Variants in SATB2 observed in about 807,000 individuals in gnomAD.
SATB2 encodes the protein SATB homeobox 2.
Under a neutral mutation model 73.4 loss-of-function variants are expected in SATB2, and 1 was observed. That is an observed-to-expected ratio of 0.01 (90% CI 0.00 to 0.06). The LOEUF is 0.06. SATB2 is among the 10% of genes least tolerant of loss of function. The pLI, the probability that SATB2 is intolerant of heterozygous loss-of-function variation, is 1.00. For missense variants in SATB2, 459 were observed against 945.8 expected (o/e 0.49, Z 6.75); for synonymous variants, 397 against 367.0 (o/e 1.08, Z -0.93).
At chr2:199,331,805 A>G (rs976951377) in intron 7 of SATB2, among the ~76,000 whole-genome samples, 2 of 152,212 alleles carry the variant, frequency 1.3e-5, no homozygotes, top group East Asian at 3.8e-4. Context: ...ACTTTCACAT[A>G]CCACAAATCA....
intron 10 of SATB2, among the ~76,000 whole-genome samples, chr2:199,299,666 G>A (rs988208614): frequency 1.3e-5 from 2 of 151,904 alleles, no homozygotes; most frequent in African/African-American, 4.8e-5. Context: ...TGTGGTGCCT[G>A]GAATAACACT....
intron 2 of SATB2, among the ~76,000 whole-genome samples, chr2:199,453,869 G>A (rs1001457609): frequency 5.3e-5 from 8 of 151,488 alleles, no homozygotes; most frequent in Non-Finnish European, 1.0e-4. Context: ...GTTTACTATC[G>A]TGTATTATAA....
At chr2:199,397,667 T>G (rs1690341062) in intron 3 of SATB2, 2 of 262,486 alleles carry the variant, frequency 7.6e-6, no homozygotes, top group Non-Finnish European at 1.6e-5. Flanking sequence ...GGTGGGCATT[T>G]CACTTGAGGT....
chr2:199,318,283 G>A (rs969376744), intron 9 of SATB2, among the ~76,000 whole-genome samples: 1 of 151,994 alleles, frequency 6.6e-6, no homozygotes, highest in East Asian at 1.9e-4. Context: ...CCCAGTAAAG[G>A]CATCCTCAAA....
intron 2 of SATB2, among the ~76,000 whole-genome samples, chr2:199,438,792 T>C (rs1419126082): frequency 6.6e-6 from 1 of 152,246 alleles, no homozygotes; most frequent in Non-Finnish European, 1.5e-5. Context: ...TACACACCTT[T>C]ATCTTCTCAC....
At chr2:199,311,074 G>A (rs1475959534) in intron 9 of SATB2, among the ~76,000 whole-genome samples, 1 of 152,194 alleles carries the variant, frequency 6.6e-6, no homozygotes, top group Non-Finnish European at 1.5e-5. Flanking sequence ...GACATGCAAG[G>A]TCTTGACCTT....
chr2:199,333,471 G>A (rs939780504), intron 7 of SATB2, among the ~76,000 whole-genome samples: 1 of 152,082 alleles, frequency 6.6e-6, no homozygotes, highest in African/African-American at 2.4e-5. Context: ...TGGATATAAA[G>A]TTACGATGAA....
rs1222657203 is a variant in SATB2, at chr2:199,463,757, A to G, written c.-141+1079T>C. Among the ~76,000 whole-genome samples the G allele has an allele frequency of 6.6e-6, 1 of 152,184 alleles. No individual in the cohort carries two copies. The highest frequency in any genetic ancestry group is 1.5e-5 in the Non-Finnish European group (1 of 68,020). On this transcript the variant is annotated intron_variant, in intron 1 of 11. Coordinates refer to the SATB2 transcript ENST00000260926. The surrounding 1 kb of genome is among the most constrained non-coding windows in gnomAD (Gnocchi z 6.4). ...TGGCGCGTGCAAAATACGAACGCCC[A>G]CAGTTTGTCCCAACCCCTTGAAATG...
chr2:199,411,207 T>C (rs1447800776), intron 3 of SATB2, among the ~76,000 whole-genome samples: 1 of 151,438 alleles, frequency 6.6e-6, no homozygotes, highest in Non-Finnish European at 1.5e-5. Flanking sequence ...CAAGTCACTA[T>C]GTCCAGAAAA....
chr2:199,308,462 G>C lies in SATB2; in HGVS notation c.1740+298C>G, dbSNP rs1474984341. ...AGATTTAATTCTCCGTGAGCGCTCT[G>C]GCTTTACAATCCCACAAGTAAAATG... On this transcript the variant is annotated intron_variant, in intron 10 of 10. Transcript: ENST00000417098. This position sits in a 1 kb window ranked among gnomAD's most constrained non-coding sequence, Gnocchi z 4.6. Among the ~76,000 whole-genome samples the C allele has an allele frequency of 6.6e-6, 1 of 152,076 alleles. No individual in the cohort carries two copies. The highest frequency in any genetic ancestry group is 1.5e-5 in the Non-Finnish European group (1 of 68,026).
intron 4 of SATB2, among the ~76,000 whole-genome samples, chr2:199,380,690 T>C (rs1357609220): frequency 6.6e-6 from 1 of 152,150 alleles, no homozygotes; most frequent in Non-Finnish European, 1.5e-5. Context: ...GAGTTTGTCA[T>C]CCCACTCATC....
chr2:199,402,631 G>A (rs1317655385), intron 3 of SATB2, among the ~76,000 whole-genome samples: 1 of 152,166 alleles, frequency 6.6e-6, no homozygotes, highest in African/African-American at 2.4e-5. Flanking sequence ...TTGCATTGAA[G>A]GGAACATGAA....
At chr2:199,330,732 G>C (rs936581581) in intron 7 of SATB2, among the ~76,000 whole-genome samples, 1 of 152,024 alleles carries the variant, frequency 6.6e-6, no homozygotes, top group African/African-American at 2.4e-5. Context: ...AATTTGTTTT[G>C]AAGATAAAAA....
chr2:199,420,506 T>C (rs1268690097), intron 3 of SATB2, among the ~76,000 whole-genome samples: 1 of 152,192 alleles, frequency 6.6e-6, no homozygotes, highest in African/African-American at 2.4e-5. Flanking sequence ...GCATCCCTTA[T>C]TGAGTACTAA....
chr2:199,326,672 A>G (rs992433440), intron 8 of SATB2, among the ~76,000 whole-genome samples: 4 of 152,188 alleles, frequency 2.6e-5, no homozygotes, highest in Non-Finnish European at 5.9e-5. Context: ...AATGGGCTTC[A>G]AAAGTGGCAA....
rs1318560283 is a variant in SATB2 at position 199,385,991 on chromosome 2, G to A, written c.347-4171C>T. Among the ~76,000 whole-genome samples the A allele has an allele frequency of 3.3e-5, 5 of 152,118 alleles. No homozygotes were observed. In the East Asian group the frequency reaches 7.7e-4, roughly 23 times the overall value. On this transcript the variant is annotated intron_variant, in intron 3 of 10. Coordinates refer to ENST00000417098, the MANE Select transcript of SATB2 (RefSeq NM_001172509.2). ...TACATGAAAAGGAGACTCTAGCACT[G>A]GGACTGCTACATAAGTGCTCCATAA...
chr2:199,395,994 A>T (rs1690289342), intron 3 of SATB2: 1 of 152,210 alleles, frequency 6.6e-6, no homozygotes, highest in Non-Finnish European at 1.5e-5. Context: ...TTACTCCTCC[A>T]TGGGCAAGAA....
chr2:199,436,424 T>TAAA (rs200573943), intron 2 of SATB2, among the ~76,000 whole-genome samples: 95 of 149,928 alleles, frequency 6.3e-4, no homozygotes, highest in African/African-American at 2.2e-3. Context: ...ATCATCTATT[T>TAAA]AAAAAAAAAC....
intron 9 of SATB2, among the ~76,000 whole-genome samples, chr2:199,323,058 G>A (rs1330614558): frequency 6.6e-6 from 1 of 152,058 alleles, no homozygotes; most frequent in Non-Finnish European, 1.5e-5. Context: ...AGGATTCTAG[G>A]TTTGGGCAGA....
Sources: allele counts gnomAD v4.1 joint callset (sites outside exome capture counted in the v4.1 genomes callset), GRCh38; gene constraint gnomAD v4.1.1; non-coding constraint Gnocchi (gnomAD v3.1); transcripts MANE v1.5; gene names NCBI Gene and HGNC (gene_info 2026-07-23, HGNC 2026-07-21).